Variants in TNNI3K observed in about 807,000 individuals in gnomAD.
The protein encoded by TNNI3K is serine/threonine-protein kinase TNNI3K.
In TNNI3K, 140 loss-of-function variants were observed where a neutral mutation model predicts 114.5. The observed-to-expected ratio is 1.22, with a 90% CI of 1.07 to 1.41. TNNI3K has a LOEUF of 1.41. Among genes scored for constraint, TNNI3K ranks in the 40% most tolerant of loss-of-function variants. TNNI3K has a pLI of 0.00. For missense variants in TNNI3K, 1,125 were observed against 1,007.6 expected (o/e 1.12, Z -1.58); for synonymous variants, 347 against 347.5 (o/e 1.00, Z 0.02).
At chr1:74,543,064 C>CTT (rs60688934) in intron 24 of TNNI3K, among the ~76,000 whole-genome samples, 547 of 6,664 alleles carry the variant, frequency 0.082, 26 homozygotes, top group African/African-American at 0.15. Flanking sequence ...TTCTTTTTCC[C>CTT]TTTTTTTTTT....
intron 17 of TNNI3K, among the ~76,000 whole-genome samples, chr1:74,419,541 G>A (rs929250844): frequency 3.9e-5 from 6 of 151,948 alleles, no homozygotes; most frequent in Admixed American, 3.9e-4. Context: ...GCCTATCATA[G>A]TGCTACTGTG....
At chr1:74,316,909 C>T (rs1029905049) in intron 5 of TNNI3K, among the ~76,000 whole-genome samples, 4 of 151,418 alleles carry the variant, frequency 2.6e-5, no homozygotes, top group Admixed American at 6.6e-5. Flanking sequence ...CCATGATAGC[C>T]GGAATTGTCT....
At chr1:74,351,597 G>A (rs1353545363) in intron 9 of TNNI3K, among the ~76,000 whole-genome samples, 1 of 152,074 alleles carries the variant, frequency 6.6e-6, no homozygotes, top group Non-Finnish European at 1.5e-5. Context: ...GTCACTTTCA[G>A]GTACACCAAT....
chr1:74,452,401 C>T (rs540387395), intron 20 of TNNI3K, among the ~76,000 whole-genome samples: 1 of 152,250 alleles, frequency 6.6e-6, no homozygotes, highest in East Asian at 1.9e-4. Context: ...CTAGGTGGCC[C>T]ATGTAGAAAC....
At chr1:74,489,971 A>G (rs997753797) in intron 22 of TNNI3K, among the ~76,000 whole-genome samples, 1 of 150,932 alleles carries the variant, frequency 6.6e-6, no homozygotes, top group Non-Finnish European at 1.5e-5. Flanking sequence ...GGGCAACAAT[A>G]GAGAGAAATA....
chr1:74,244,672 C>T (rs959158256), intron 2 of TNNI3K, among the ~76,000 whole-genome samples: 3 of 148,436 alleles, frequency 2.0e-5, no homozygotes, highest in Admixed American at 6.8e-5. Flanking sequence ...TCAAAGGATC[C>T]GGGATTTAGT....
At chr1:74,360,499 C>T (rs982247142) in intron 11 of TNNI3K, among the ~76,000 whole-genome samples, 9 of 152,054 alleles carry the variant, frequency 5.9e-5, no homozygotes, top group African/African-American at 2.2e-4. Flanking sequence ...CATATATTAA[C>T]TCATCAAATC....
chr1:74,400,733 T>C (rs979042159), intron 17 of TNNI3K, among the ~76,000 whole-genome samples: 5 of 152,210 alleles, frequency 3.3e-5, no homozygotes, highest in Middle Eastern at 3.2e-3. Flanking sequence ...TCTCAACTTA[T>C]ACCCACATCC....
rs1359678726 is a variant in TNNI3K, at chr1:74,363,999, T to TATTATTATA, written c.1178-3249_1178-3248insAATTATTAT. ...TTATTATTATTATTATTATTATTAT[T>TATTATTATA]ATTATTATTATTTTAGAGACAGGGT... On this transcript the variant is annotated intron_variant, in intron 11 of 24. Transcript: ENST00000326637. Among the ~76,000 whole-genome samples the TATTATTATA allele has an allele frequency of 4.8e-5, 7 of 146,356 alleles. No homozygotes were observed. In the South Asian group the frequency reaches 8.6e-4, roughly 18 times the overall value.
intron 5 of TNNI3K, among the ~76,000 whole-genome samples, chr1:74,276,825 G>A (rs1656714442): frequency 6.6e-6 from 1 of 152,032 alleles, no homozygotes. Context: ...ACATTGACTA[G>A]GCAGCTGTCT....
At chr1:74,422,384 T>G (rs1382140100) in intron 17 of TNNI3K, among the ~76,000 whole-genome samples, 3 of 152,166 alleles carry the variant, frequency 2.0e-5, no homozygotes, top group African/African-American at 7.2e-5. Flanking sequence ...AGGTTTATGC[T>G]AGAGGATTTT....
At chr1:74,282,504 TTGTCA>T (rs988871914) in intron 5 of TNNI3K, among the ~76,000 whole-genome samples, 1 of 151,904 alleles carries the variant, frequency 6.6e-6, no homozygotes, top group African/African-American at 2.4e-5. Flanking sequence ...ATGAGGTCAC[TTGTCA>T]TATTAATTAA....
chr1:74,420,683 C>T (rs182760652), intron 17 of TNNI3K, among the ~76,000 whole-genome samples: 5 of 152,222 alleles, frequency 3.3e-5, no homozygotes, highest in African/African-American at 7.2e-5. Context: ...AACAAGGCAA[C>T]GTTGACATTA....
Position 74,335,419 on chromosome 1 carries a change from C to T in TNNI3K, c.544-592C>T, listed in dbSNP as rs975736743. Among the ~76,000 whole-genome samples, 47 of 152,120 alleles carry T rather than the reference C, an allele frequency of 3.1e-4. 2 individuals are homozygous for T. The highest frequency in any genetic ancestry group is 1.3e-4 in the Admixed American group (2 of 15,262). On this transcript the variant is annotated intron_variant, in intron 6 of 24. Transcript: ENST00000326637. ...AAAGCTATCATTTCAACTATTACCA[C>T]TTTGGGCCATATATTTTTTTTCTTC...
At chr1:74,469,594 G>A (rs971013513) in intron 21 of TNNI3K, 1 of 246,472 alleles carries the variant, frequency 4.1e-6, no homozygotes, top group Non-Finnish European at 7.6e-6. Flanking sequence ...TTTTTTCAAT[G>A]TTTGCTTGCT....
chr1:74,499,440 C>A (rs752286137), intron 23 of TNNI3K, among the ~76,000 whole-genome samples: 1 of 152,110 alleles, frequency 6.6e-6, no homozygotes, highest in Admixed American at 6.6e-5. Context: ...CCCACAATAA[C>A]TTTTATTAAA....
chr1:74,353,645 A>C (rs945892104), intron 10 of TNNI3K, among the ~76,000 whole-genome samples: 3 of 21,892 alleles, frequency 1.4e-4, no homozygotes, highest in African/African-American at 2.7e-4. Flanking sequence ...TTTGGTGATC[A>C]AAAAAAAAAA....
chr1:74,267,305 G>A (rs1473130750), intron 4 of TNNI3K, among the ~76,000 whole-genome samples: 1 of 151,788 alleles, frequency 6.6e-6, no homozygotes, highest in African/African-American at 2.4e-5. Flanking sequence ...TATTCCATTA[G>A]GACAAAATAT....
chr1:74,464,496 C>G, intron 21 of TNNI3K: 1 of 1,390,972 alleles, frequency 7.2e-7, no homozygotes, highest in Non-Finnish European at 9.3e-7. Context: ...TCTGATCCTT[C>G]CTAGGCACTT....
Sources: gnomAD v4.1 joint callset for allele counts (sites outside exome capture counted in the v4.1 genomes callset) on GRCh38, gnomAD v4.1.1 for gene constraint, MANE v1.5 for transcripts, NCBI Gene and HGNC (gene_info 2026-07-23, HGNC 2026-07-21) for gene names.